Variants in PKNOX2 observed in about 807,000 individuals in gnomAD.
PKNOX2 encodes the protein PBX/knotted 1 homeobox 2, also known as homeobox protein PKNOX2.
In PKNOX2, 14 loss-of-function variants were observed where a neutral mutation model predicts 53.1. The observed-to-expected ratio is 0.26, with a 90% CI of 0.17 to 0.41. The LOEUF is 0.41. Ranked by LOEUF, PKNOX2 falls within the 10% of genes least tolerant of loss-of-function variation. PKNOX2 has a pLI of 1.00. For missense variants in PKNOX2, 496 were observed against 602.8 expected, an observed-to-expected ratio of 0.82 and a Z score of 1.85; for synonymous variants, 257 against 242.8, an observed-to-expected ratio of 1.06 and a Z score of -0.54.
intron 2 of PKNOX2, among the ~76,000 whole-genome samples, chr11:125,236,214 C>T (rs367783121): frequency 8.5e-5 from 13 of 152,314 alleles, no homozygotes; most frequent in Middle Eastern, 3.4e-3. Flanking sequence ...CCGGCCCTCC[C>T]GCCTAATGGC....
chr11:125,185,446 C>G (rs1956394610), intron 1 of PKNOX2, among the ~76,000 whole-genome samples: 1 of 152,144 alleles, frequency 6.6e-6, no homozygotes, highest in African/African-American at 2.4e-5. Flanking sequence ...GTTGTGCAAA[C>G]TTCACCATAT....
intron 1 of PKNOX2, among the ~76,000 whole-genome samples, chr11:125,183,519 G>A (rs1156280824): frequency 2.0e-5 from 3 of 152,154 alleles, no homozygotes; most frequent in Admixed American, 2.0e-4. Context: ...CTGCTTTGTG[G>A]ATCGTTGGTG....
At chr11:125,360,952 A>C (rs1233112342) in intron 4 of PKNOX2, among the ~76,000 whole-genome samples, 3 of 152,206 alleles carry the variant, frequency 2.0e-5, no homozygotes, top group Admixed American at 2.0e-4. Context: ...GCAGAGATTC[A>C]TCCCAGCACA....
intron 2 of PKNOX2, among the ~76,000 whole-genome samples, chr11:125,327,801 T>C (rs1591529455): frequency 6.6e-6 from 1 of 152,344 alleles, no homozygotes; most frequent in East Asian, 1.9e-4. Context: ...GGGAAACAAA[T>C]GGAACTCGGC....
At chr11:125,385,988 A>G (rs1953605564) in intron 6 of PKNOX2, among the ~76,000 whole-genome samples, 1 of 152,198 alleles carries the variant, frequency 6.6e-6, no homozygotes, top group African/African-American at 2.4e-5. Flanking sequence ...ACCCTTTTAC[A>G]GTGCAGACAG....
At chr11:125,290,029 A>T (rs1441561085) in intron 2 of PKNOX2, among the ~76,000 whole-genome samples, 3 of 152,234 alleles carry the variant, frequency 2.0e-5, no homozygotes, top group Non-Finnish European at 4.4e-5. Flanking sequence ...CCAGCATGAA[A>T]GAGTGGAGGA....
At chr11:125,317,525 A>G (rs1949273638) in intron 2 of PKNOX2, among the ~76,000 whole-genome samples, 1 of 152,258 alleles carries the variant, frequency 6.6e-6, no homozygotes, top group African/African-American at 2.4e-5. Context: ...CTAAAACTAC[A>G]TTAATCTCCT....
At chr11:125,199,559 G>A (rs1938188100) in intron 1 of PKNOX2, among the ~76,000 whole-genome samples, 1 of 152,206 alleles carries the variant, frequency 6.6e-6, no homozygotes, top group African/African-American at 2.4e-5. Context: ...GATTTCCTGG[G>A]TTGGCCAGGT....
At chr11:125,290,200 T>A (rs761712653) in intron 2 of PKNOX2, among the ~76,000 whole-genome samples, 3 of 152,152 alleles carry the variant, frequency 2.0e-5, no homozygotes, top group Non-Finnish European at 4.4e-5. Context: ...AGCCCCTGGA[T>A]CCTTGGAGCA....
intron 2 of PKNOX2, among the ~76,000 whole-genome samples, chr11:125,237,825 G>A (rs559450546): frequency 2.0e-5 from 3 of 152,306 alleles, no homozygotes; most frequent in African/African-American, 7.2e-5. Flanking sequence ...GTCCTAGACT[G>A]TGAGCCAGGA....
intron 4 of PKNOX2, among the ~76,000 whole-genome samples, chr11:125,359,412 T>A (rs1235140159): frequency 6.6e-6 from 1 of 152,134 alleles, no homozygotes; most frequent in Non-Finnish European, 1.5e-5. Context: ...CTGCTGGGCC[T>A]TTCTTCTCTT....
At chr11:125,359,759 G>A (rs1268124996) in intron 4 of PKNOX2, among the ~76,000 whole-genome samples, 1 of 152,132 alleles carries the variant, frequency 6.6e-6, no homozygotes, top group East Asian at 1.9e-4. Flanking sequence ...CTAGGCCTGG[G>A]CAGCCCCAGG....
At chr11:125,275,111 A>C (rs1300142654) in intron 2 of PKNOX2, among the ~76,000 whole-genome samples, 2 of 152,146 alleles carry the variant, frequency 1.3e-5, no homozygotes, top group Non-Finnish European at 2.9e-5. Context: ...ATAAACAAGG[A>C]AGCAACCATG....
At chr11:125,313,933 C>T (rs1356028303) in intron 2 of PKNOX2, among the ~76,000 whole-genome samples, 1 of 152,162 alleles carries the variant, frequency 6.6e-6, no homozygotes, top group Non-Finnish European at 1.5e-5. Context: ...ACTTACCGCA[C>T]AGGATGGAGT....
At chr11:125,225,267 C>A (rs1213517609) in intron 1 of PKNOX2, among the ~76,000 whole-genome samples, 1 of 152,176 alleles carries the variant, frequency 6.6e-6, no homozygotes, top group Non-Finnish European at 1.5e-5. Context: ...TTGTCTGTCC[C>A]CTCATTAGAC....
At chr11:125,298,345 G>A (rs2135943479) in intron 2 of PKNOX2, among the ~76,000 whole-genome samples, 2 of 152,306 alleles carry the variant, frequency 1.3e-5, no homozygotes, top group African/African-American at 4.8e-5. Context: ...CAGGGATAGA[G>A]GCCCACACAG....
At chr11:125,217,169 G>C (rs948134626) in intron 1 of PKNOX2, among the ~76,000 whole-genome samples, 1 of 151,992 alleles carries the variant, frequency 6.6e-6, no homozygotes, top group Non-Finnish European at 1.5e-5. Flanking sequence ...ACAACAGCAC[G>C]CTGGTGATAT....
At position 125,212,692 on chromosome 11, in the gene PKNOX2, G is replaced by A. The variant is rs753003111; in HGVS notation, c.-200-22353G>A. ...TTTTTATATCCCTGGGCTGATAGGT[G>A]GTTCCTGTGGAGAGGAGGCAGGATC... On this transcript the variant is annotated intron_variant, in intron 1 of 12. Transcript: ENST00000298282. Among the ~76,000 whole-genome samples the A allele has an allele frequency of 4.4e-4, 67 of 152,004 alleles. 1 individual carries two copies. The highest frequency in any genetic ancestry group is 2.6e-3 in the Admixed American group (39 of 15,262).
chr11:125,330,863 G>A (rs1950098350), intron 2 of PKNOX2, among the ~76,000 whole-genome samples: 1 of 152,226 alleles, frequency 6.6e-6, no homozygotes, highest in Admixed American at 6.5e-5. Context: ...GTGCAAATGT[G>A]TTTTTACAGG....
Sources: gnomAD v4.1 joint callset for allele counts (sites outside exome capture counted in the v4.1 genomes callset) on GRCh38, gnomAD v4.1.1 for gene constraint, MANE v1.5 for transcripts, NCBI Gene and HGNC (gene_info 2026-07-23, HGNC 2026-07-21) for gene names.